PTPN2: variants seen among roughly 807,000 people sequenced by gnomAD.
The protein encoded by PTPN2 is tyrosine-protein phosphatase non-receptor type 2.
PTPN2 carries 19 observed loss-of-function variants against 57.3 expected under a neutral mutation model. The observed-to-expected ratio is 0.33, with a 90% CI of 0.23 to 0.49. The LOEUF (loss-of-function observed/expected upper bound fraction) is 0.49. PTPN2 is among the 20% of genes least tolerant of loss of function. The pLI is 0.99. For missense variants in PTPN2, 358 were observed against 501.1 expected (o/e 0.71, Z 2.73); for synonymous variants, 153 against 164.9 (o/e 0.93, Z 0.55).
At chr18:12,854,435 G>C (rs899260445) in intron 2 of PTPN2, among the ~76,000 whole-genome samples, 1 of 152,062 alleles carries the variant, frequency 6.6e-6, no homozygotes, top group Admixed American at 6.6e-5. Flanking sequence ...TAGTGACGTG[G>C]GAAATGAATG....
chr18:12,873,284 GTCTCCCCACGGTCTCCC>G (rs1267482695), intron 1 of PTPN2, among the ~76,000 whole-genome samples: 59 of 125,252 alleles, frequency 4.7e-4, no homozygotes, highest in East Asian at 2.7e-3. Context: ...CACGGTCTCC[GTCTCCCCACGGTCTCCC>G]TCTCCCTCTC....
chr18:12,810,609 C>CT (rs1370073035), intron 7 of PTPN2, among the ~76,000 whole-genome samples: 1 of 152,042 alleles, frequency 6.6e-6, no homozygotes, highest in Non-Finnish European at 1.5e-5. Flanking sequence ...CCACGGCTGG[C>CT]TTTTTTGTTT....
intron 1 of PTPN2, among the ~76,000 whole-genome samples, chr18:12,866,676 C>T (rs2044005262): frequency 6.6e-6 from 1 of 151,962 alleles, no homozygotes; most frequent in South Asian, 2.1e-4. Flanking sequence ...ATACTAAAAA[C>T]CACTAAACTG....
rs11368721 is a variant in PTPN2, at chr18:12,834,326, C to CAA, written c.261+2463_261+2464dup. On this transcript the variant is annotated intron_variant, in intron 3 of 8. Transcript: ENST00000309660. ...TGGGCAACAGAGTGAGACTCCATCTCAAAAAAAAAAAAAAAGAAAGTTATT... is the reference window on the plus strand; with the variant it reads ...TGGGCAACAGAGTGAGACTCCATCTCAAAAAAAAAAAAAAAAAGAAAGTTATT... Among the ~76,000 whole-genome samples the CAA allele has an allele frequency of 3.7e-3, 493 of 132,858 alleles. 2 individuals carry two copies. The highest frequency in any genetic ancestry group is 6.6e-3 in the East Asian group (31 of 4,666). The allele number at this position is 132,858 out of a possible 152,430, so 87.2% of individuals were successfully genotyped here. A position where few individuals can be genotyped will look rare whatever the true frequency, so the allele number is the denominator to read the frequency against.
At chr18:12,797,001 T>C (rs955547881) in intron 8 of PTPN2, among the ~76,000 whole-genome samples, 1 of 152,226 alleles carries the variant, frequency 6.6e-6, no homozygotes, top group Non-Finnish European at 1.5e-5. Context: ...TGTTATCATA[T>C]ATACAGGTAT....
intron 2 of PTPN2, among the ~76,000 whole-genome samples, chr18:12,842,904 A>G (rs2043091027): frequency 6.6e-6 from 1 of 152,248 alleles, no homozygotes; most frequent in Non-Finnish European, 1.5e-5. Flanking sequence ...GAATTTTGTT[A>G]GAATGACAAA....
At chr18:12,884,004 C>T (rs996165840) in intron 1 of PTPN2, 69 bp downstream of exon 1, 6 of 1,372,112 alleles carry the variant, frequency 4.4e-6, no homozygotes, top group African/African-American at 1.5e-5. Context: ...GCGGGAGGGA[C>T]CCTGCGGACA....
intron 8 of PTPN2, among the ~76,000 whole-genome samples, chr18:12,797,278 A>G (rs1423643510): frequency 6.6e-6 from 1 of 151,724 alleles, no homozygotes; most frequent in Admixed American, 6.6e-5. Flanking sequence ...GTATTATTTC[A>G]TTTTTTATTT....
intron 6 of PTPN2, among the ~76,000 whole-genome samples, chr18:12,814,556 T>C (rs1052660869): frequency 6.6e-6 from 1 of 152,184 alleles, no homozygotes; most frequent in Admixed American, 6.5e-5. Flanking sequence ...ACCCCTCAAG[T>C]AGTTGGAGGA....
In PTPN2 at chr18:12,836,034, TTC is replaced by T. The variant is rs2042853330; in HGVS notation, c.261+755_261+756del. ...ATATCTTTTTACTTATCAAATATTT[TTC>T]TCTTTCAAATAAGTCATTCTGATTT... On this transcript the variant is annotated intron_variant, in intron 3 of 8. Transcript: ENST00000309660. Among the ~76,000 whole-genome samples the T allele has an allele frequency of 2.6e-5, 4 of 152,352 alleles. No individual in the cohort carries two copies. In the South Asian group the frequency reaches 8.3e-4, roughly 32 times the overall value.
At chr18:12,819,283 C>T (rs2042190291) in intron 5 of PTPN2, 1 of 1,390,206 alleles carries the variant, frequency 7.2e-7, no homozygotes. Context: ...TCTCAATATA[C>T]TAAAAGCAAT....
intron 1 of PTPN2, among the ~76,000 whole-genome samples, chr18:12,882,748 C>G (rs2044703485): frequency 6.6e-6 from 1 of 152,220 alleles, no homozygotes; most frequent in Non-Finnish European, 1.5e-5. Context: ...ATACTTCCCA[C>G]TAATGTGTTC....
chr18:12,830,548 G>C (rs191901740), intron 4 of PTPN2, among the ~76,000 whole-genome samples: 13 of 152,240 alleles, frequency 8.5e-5, no homozygotes, highest in Admixed American at 7.2e-4. Flanking sequence ...AGTGGATTAG[G>C]AAATTTTCAT....
chr18:12,836,904 A>T lies in PTPN2; in HGVS notation c.161-13T>A, dbSNP rs187633516. ...CGACTGTGATCATCTGAAAATAGAG[A>T]ATGATAAACCACAACTGTCATTTCA... On this transcript the variant is annotated splice_polypyrimidine_tract_variant and intron_variant, in intron 2 of 8. Transcript: ENST00000309660. The T allele has an allele frequency of 7.1e-5, 106 of 1,497,782 alleles. No individual in the cohort carries two copies. Among genetic ancestry groups the T allele is most frequent in the Admixed American group, 4.2e-4 (25 of 58,954 alleles). 92.8% of individuals were successfully genotyped at this position (1,497,782 alleles called of 1,614,324 possible).
chr18:12,829,998 T>G (rs1163869068), intron 4 of PTPN2, among the ~76,000 whole-genome samples: 1 of 152,204 alleles, frequency 6.6e-6, no homozygotes, highest in African/African-American at 2.4e-5. Flanking sequence ...GGTGGCAGTG[T>G]TATCTTATTA....
chr18:12,870,500 A>G (rs55734227), intron 1 of PTPN2, among the ~76,000 whole-genome samples: 1,332 of 52,542 alleles, frequency 0.025, 63 homozygotes, highest in Non-Finnish European at 0.037. Flanking sequence ...GAGAGAGAGA[A>G]AAGCGTGTTG....
chr18:12,804,569 A>G (rs1479351547), intron 7 of PTPN2, among the ~76,000 whole-genome samples: 1 of 152,066 alleles, frequency 6.6e-6, no homozygotes, highest in African/African-American at 2.4e-5. Flanking sequence ...TACAACTAAT[A>G]CCATAAACAA....
chr18:12,811,749 T>C (rs753242084), intron 7 of PTPN2, among the ~76,000 whole-genome samples: 29 of 152,172 alleles, frequency 1.9e-4, no homozygotes, highest in Non-Finnish European at 3.1e-4. Context: ...AGGTCATTAA[T>C]GCTGACTGGT....
At chr18:12,802,221 T>G in intron 7 of PTPN2, 70 bp from the exon 8 acceptor site, 1 of 1,210,888 alleles carries the variant, frequency 8.3e-7, no homozygotes, top group Non-Finnish European at 1.1e-6. Context: ...TAAAAAAATT[T>G]ATGAATTAAA....
Sources: allele counts gnomAD v4.1 joint callset (sites outside exome capture counted in the v4.1 genomes callset), GRCh38; gene constraint gnomAD v4.1.1; transcripts MANE v1.5; gene names NCBI Gene and HGNC (gene_info 2026-07-23, HGNC 2026-07-21).